RNASEH2B: variants seen among roughly 807,000 people sequenced by gnomAD.
The protein encoded by RNASEH2B is ribonuclease H2 subunit B.
Under a neutral mutation model 45.0 loss-of-function variants are expected in RNASEH2B, and 36 were observed. That is an observed-to-expected ratio of 0.80 (90% CI 0.61 to 1.06). The LOEUF (loss-of-function observed/expected upper bound fraction) is 1.06, where lower values mean the gene tolerates loss of function less well. Ranked by LOEUF, RNASEH2B falls within the 50% of genes least tolerant of loss-of-function variation. RNASEH2B has a pLI of 0.00. For missense variants in RNASEH2B, 361 were observed against 360.3 expected (o/e 1.00, Z -0.02); for synonymous variants, 119 against 125.7 (o/e 0.95, Z 0.35).
rs1163405453 is a variant in RNASEH2B, at chr13:50,942,605, G to T, written c.437-716G>T. 2.6e-5 allele frequency: 4 copies of T among 152,266 alleles called. No individual in the cohort carries two copies. The Middle Eastern group carries it at 0.014, about 518-fold the overall frequency. The allele number at this position is 152,266 out of a possible 1,614,324, so 9.4% of individuals were successfully genotyped here. A position where few individuals can be genotyped will look rare whatever the true frequency, so the allele number is the denominator to read the frequency against. On this transcript the variant is annotated intron_variant, in intron 5 of 10. Transcript: ENST00000336617. ...ATTGAGGTGAGCTTAAAATTATTCA[G>T]AACAGTTAAGACTGCTTAGTATGCT...
chr13:50,959,409 C>T (rs1227139645), downstream of RNASEH2B: 1 of 151,814 alleles, frequency 6.6e-6, no homozygotes, highest in Non-Finnish European at 1.5e-5. Context: ...TTTAACCAGA[C>T]ACTTTTATTT....
At chr13:50,914,424 G>C (rs1039787252) in intron 1 of RNASEH2B, among the ~76,000 whole-genome samples, 1 of 152,176 alleles carries the variant, frequency 6.6e-6, no homozygotes, top group South Asian at 2.1e-4. Flanking sequence ...AGACAACCTC[G>C]GAATAATTAA....
At position 50,924,709 on chromosome 13, in the gene RNASEH2B, C is replaced by T. The variant is rs992148033; in HGVS notation, c.65-2698C>T. ...GAGTAGCTGGGACTACGGGCACATG[C>T]CACCACATGTGTATTTTTTGTAGAG... is the stretch of plus-strand genomic sequence containing the variant. On this transcript the variant is annotated intron_variant, in intron 1 of 10. Transcript: ENST00000336617. Among the ~76,000 whole-genome samples the T allele has an allele frequency of 1.8e-4, 28 of 152,074 alleles. 1 individual carries two copies. The highest frequency in any genetic ancestry group is 2.6e-4 in the Admixed American group (4 of 15,266).
chr13:50,947,964 ACTC>A lies in RNASEH2B; in HGVS notation c.617-17_617-15del, dbSNP rs781083153. 5.0e-6 allele frequency: 8 copies of A among 1,603,950 alleles called. No homozygotes were observed. In the African/African-American group the frequency reaches 6.7e-5, roughly 14 times the overall value. ...ATTACTATTTTTTTTTTTTGCTTTCACTCCTCCTTCTGTTTCTTTCAGAGGATT... is the reference window on the plus strand; with the variant it reads ...ATTACTATTTTTTTTTTTTGCTTTCACTCCTTCTGTTTCTTTCAGAGGATT... On this transcript the variant is annotated intron_variant, in intron 7 of 10. Coordinates refer to ENST00000336617, the MANE Select transcript of RNASEH2B (RefSeq NM_024570.4).
intron 5 of RNASEH2B, chr13:50,938,469 T>C (rs1951787793): frequency 1.3e-5 from 2 of 152,008 alleles, no homozygotes; most frequent in African/African-American, 4.8e-5. Context: ...TATATGACTA[T>C]GTAAAGCAGC....
In RNASEH2B at chr13:50,953,955, G is replaced by C. The variant is rs1307738545; in HGVS notation, c.792G>C (p.Lys264Asn). Residue 264 changes from lysine to asparagine, a missense_variant, in exon 10 of 11, where the codon AAG becomes AAC. Transcript: ENST00000336617. Reference sequence around the variant, plus strand: ...TAGAAGCAAAAGAAGATTACACTAAGTTTAATACTAAAGATTTGAAGACTG... The same window carrying C: ...TAGAAGCAAAAGAAGATTACACTAACTTTAATACTAAAGATTTGAAGACTG... ...EPVEAKEDYT[K>N]FNTKDLKTEK... 3 of 1,607,104 alleles carry C rather than the reference G, an allele frequency of 1.9e-6. No individual in the cohort carries two copies. The highest frequency in any genetic ancestry group is 3.3e-5 in the Admixed American group (2 of 59,966).
At chr13:50,966,710 C>T (rs556486494) in intron 9 of RNASEH2B, among the ~76,000 whole-genome samples, 72 of 152,150 alleles carry the variant, frequency 4.7e-4, no homozygotes, top group African/African-American at 1.7e-3. Context: ...TTTGTTTGTT[C>T]GAATCTGTTT....
chr13:50,921,549 T>TA (rs1951524839), intron 1 of RNASEH2B, among the ~76,000 whole-genome samples: 1 of 152,140 alleles, frequency 6.6e-6, no homozygotes, highest in Non-Finnish European at 1.5e-5. Context: ...TTTCTCAGAG[T>TA]AAATGGAAAA....
chr13:50,945,982 C>G (rs1439418617), intron 7 of RNASEH2B, among the ~76,000 whole-genome samples: 1 of 152,132 alleles, frequency 6.6e-6, no homozygotes, highest in Non-Finnish European at 1.5e-5. Context: ...CACTTGTAAT[C>G]TTTTTGTGAT....
rs1373878297 is a variant in RNASEH2B, at chr13:50,956,746, A to G, written c.*272A>G. ...TATAGCATCATGATTTTCTCAATAA[A>G]CTGATGTGTGACAATGTTAGAGTGT... On this transcript the variant is annotated 3_prime_UTR_variant, in exon 11 of 11. Coordinates refer to ENST00000336617, the MANE Select transcript of RNASEH2B (RefSeq NM_024570.4). 3 of 1,187,450 alleles carry G rather than the reference A, an allele frequency of 2.5e-6. No homozygotes were observed. The highest frequency in any genetic ancestry group is 3.2e-6 in the Non-Finnish European group (3 of 945,990). 73.6% of individuals were successfully genotyped at this position (1,187,450 alleles called of 1,614,324 possible). A position where few individuals can be genotyped will look rare whatever the true frequency, so the allele number is the denominator to read the frequency against.
upstream of RNASEH2B, chr13:50,909,729 C>A: frequency 4.6e-6 from 1 of 215,054 alleles, no homozygotes; most frequent in Non-Finnish European, 9.3e-6. Flanking sequence ...AGCGCGGGGC[C>A]CCGGCGACCC....
intron 1 of RNASEH2B, chr13:50,911,618 A>G (rs1301533124): frequency 1.3e-5 from 2 of 152,220 alleles, no homozygotes; most frequent in African/African-American, 2.4e-5. Flanking sequence ...CAAGCAGTGT[A>G]TGAGAGTTCC....
intron 1 of RNASEH2B, among the ~76,000 whole-genome samples, chr13:50,926,555 G>A (rs9526708): frequency 0.21 from 31,519 of 151,774 alleles, 4,262 homozygotes; most frequent in Non-Finnish European, 0.3. Context: ...TTAACTTCTC[G>A]AAAAAAATAT....
At chr13:50,913,283 A>T (rs1051395885) in intron 1 of RNASEH2B, among the ~76,000 whole-genome samples, 9 of 152,178 alleles carry the variant, frequency 5.9e-5, no homozygotes, top group Non-Finnish European at 1.2e-4. Flanking sequence ...TTCTGCCCTA[A>T]AAGTAAATGT....
chr13:50,919,012 A>G (rs1442521299), intron 1 of RNASEH2B, among the ~76,000 whole-genome samples: 3 of 152,218 alleles, frequency 2.0e-5, no homozygotes, highest in Non-Finnish European at 2.9e-5. Flanking sequence ...CCTCCATGTA[A>G]CAGTGGGTGT....
At position 50,927,420 on chromosome 13, in the gene RNASEH2B, T is replaced by C. The variant is rs1163056126; in HGVS notation, c.78T>C (p.Asp26=). 1.9e-6 allele frequency: 3 copies of C among 1,589,606 alleles called. No individual in the cohort carries two copies. The highest frequency in any genetic ancestry group is 2.2e-5 in the East Asian group (1 of 44,664). ...GTTTATTTTCAGAATATTTAAAAGA[T>C]GCTTCAAAGAAGATGAAAAATGGGC... ...HVFLVSEYLK[D]ASKKMKNGLM... is the part of the protein sequence containing the mutation. The change falls in exon 2 of 11, where the codon GAT becomes GAC. Residue 26 remains aspartate (D), a synonymous_variant. Coordinates refer to ENST00000336617, the MANE Select transcript of RNASEH2B (RefSeq NM_024570.4).
At chr13:50,947,423 GTA>G (rs3042191) in intron 7 of RNASEH2B, among the ~76,000 whole-genome samples, 29 of 134,246 alleles carry the variant, frequency 2.2e-4, no homozygotes, top group African/African-American at 6.3e-4. Context: ...GTGTGTGTGT[GTA>G]TGTAGAACTA....
chr13:50,914,520 A>G (rs1879620653), intron 1 of RNASEH2B, among the ~76,000 whole-genome samples: 1 of 152,354 alleles, frequency 6.6e-6, no homozygotes, highest in East Asian at 1.9e-4. Flanking sequence ...TTTCCAGCAT[A>G]GAGCGTGTTT....
Position 50,956,460 on chromosome 13 carries a change from A to G in RNASEH2B, c.925A>G (p.Ile309Val), listed in dbSNP as rs761204571. The G allele has an allele frequency of 4.4e-6, 7 of 1,595,928 alleles. No homozygotes were observed. Among genetic ancestry groups the G allele is most frequent in the Admixed American group, 1.7e-5 (1 of 58,676 alleles). Residue 309 changes from isoleucine (I) to valine (V), a missense_variant, in exon 11 of 11, where the codon ATT becomes GTT. Coordinates refer to ENST00000336617, the MANE Select transcript of RNASEH2B (RefSeq NM_024570.4). ...TTTTGGGGTAAAAAATAAAAAAAAA[A>G]TTGGAAAGGTTTGAAACTTTGAAAA... The part of the protein sequence containing the change: ...TFFGVKNKKK[I>V]GKV
Sources: gnomAD v4.1 joint callset for allele counts (sites outside exome capture counted in the v4.1 genomes callset) on GRCh38, gnomAD v4.1.1 for gene constraint, MANE v1.5 for transcripts, NCBI Gene and HGNC (gene_info 2026-07-23, HGNC 2026-07-21) for gene names.